DAPK2: variants seen among roughly 807,000 people sequenced by gnomAD.
The protein encoded by DAPK2 is death-associated protein kinase 2.
Under a neutral mutation model 44.1 loss-of-function variants are expected in DAPK2, and 35 were observed. The ratio of observed to expected loss-of-function variants is 0.79; its 90% confidence interval spans 0.61 to 1.05. DAPK2 has a LOEUF of 1.05. Ranked by LOEUF, DAPK2 falls within the 50% of genes least tolerant of loss-of-function variation. The probability of loss-of-function intolerance (pLI) is 0.00; values close to 1 mark genes in which losing one functional copy is unlikely to be tolerated. For missense variants in DAPK2, 453 were observed against 483.2 expected (o/e 0.94, Z 0.59); for synonymous variants, 174 against 182.6 (o/e 0.95, Z 0.38).
chr15:63,965,872 G>C (rs1452975325), intron 3 of DAPK2, among the ~76,000 whole-genome samples: 2 of 152,120 alleles, frequency 1.3e-5, no homozygotes, highest in Non-Finnish European at 2.9e-5. Context: ...TTTGGCCCAG[G>C]GTAGGTCCAG....
At chr15:63,937,523 C>A (rs995547141) in intron 4 of DAPK2, among the ~76,000 whole-genome samples, 1 of 152,156 alleles carries the variant, frequency 6.6e-6, no homozygotes, top group African/African-American at 2.4e-5. Flanking sequence ...GCCTTACTTC[C>A]CTGGTAGGGT....
rs771084589 is a variant in DAPK2, at chr15:63,923,276, A to T, written c.858+1540T>A. Reference sequence around the variant, plus strand: ...GTGGCATTTGAGAGTGTACTCTCTCAGGTGCTTGGTCTTCAGCTGGGTGGG... The same window carrying T: ...GTGGCATTTGAGAGTGTACTCTCTCTGGTGCTTGGTCTTCAGCTGGGTGGG... On this transcript the variant is annotated intron_variant, in intron 8 of 10. Transcript: ENST00000261891. The surrounding 1 kb of genome is among the most constrained non-coding windows in gnomAD (Gnocchi z 4.2). 3 of 1,535,922 alleles carry T rather than the reference A, an allele frequency of 2.0e-6. No individual in the cohort carries two copies. Among genetic ancestry groups the T allele is most frequent in the African/African-American group, 2.7e-5 (2 of 73,160 alleles).
At chr15:64,015,453 T>C (rs2079498997) in intron 1 of DAPK2, among the ~76,000 whole-genome samples, 1 of 151,970 alleles carries the variant, frequency 6.6e-6, no homozygotes, top group African/African-American at 2.4e-5. Context: ...CTGCAGTGAG[T>C]GGATTGACCC....
chr15:63,968,247 A>T (rs772236841), intron 3 of DAPK2, among the ~76,000 whole-genome samples: 3 of 152,172 alleles, frequency 2.0e-5, no homozygotes, highest in Non-Finnish European at 4.4e-5. Flanking sequence ...GCTACTCATC[A>T]CTTCCTGAAG....
In DAPK2 at chr15:63,989,938, C is replaced by T. The variant is rs1264832364; in HGVS notation, c.93-6184G>A. Among the ~76,000 whole-genome samples the T allele has an allele frequency of 4.6e-5, 7 of 152,118 alleles. No individual in the cohort carries two copies. The South Asian group carries it at 8.3e-4, about 18-fold the overall frequency. Reference sequence around the variant, plus strand: ...AACTCCTGGTCTCCAGTGATCTGCCCGCCTAGGCCTCCCAAAGTGCTGGGA... The same window carrying T: ...AACTCCTGGTCTCCAGTGATCTGCCTGCCTAGGCCTCCCAAAGTGCTGGGA... On this transcript the variant is annotated intron_variant, in intron 1 of 10. Coordinates refer to ENST00000261891, the Ensembl canonical transcript of DAPK2.
At chr15:63,995,768 G>C (rs1341734320) in intron 1 of DAPK2, among the ~76,000 whole-genome samples, 1 of 152,248 alleles carries the variant, frequency 6.6e-6, no homozygotes, top group Non-Finnish European at 1.5e-5. Flanking sequence ...TGGCATTGGA[G>C]GGTGAGCAGG....
intron 3 of DAPK2, among the ~76,000 whole-genome samples, chr15:63,956,770 G>C (rs574609203): frequency 6.6e-6 from 1 of 152,014 alleles, no homozygotes; most frequent in South Asian, 2.1e-4. Flanking sequence ...TGTATTTTTA[G>C]TAGAGATGGG....
rs758617949 is a variant in DAPK2, at chr15:63,988,507, C to CT, written c.93-4754dup. On this transcript the variant is annotated intron_variant, in intron 1 of 10. Coordinates refer to ENST00000261891, the Ensembl canonical transcript of DAPK2. The stretch of plus-strand genomic sequence containing the variant: ...TTACAACATTTACATCCAGCTTTTC[C>CT]TTTTTTTTTTTTTTTGAGCTGGAGT... 5.1e-3 allele frequency among the ~76,000 whole-genome samples: 717 copies of CT among 141,964 alleles called. 24 individuals are homozygous for CT. In the South Asian group the frequency reaches 0.078, roughly 16 times the overall value. 93.1% of individuals were successfully genotyped at this position (141,964 alleles called of 152,430 possible). A position where few individuals can be genotyped will look rare whatever the true frequency, so the allele number is the denominator to read the frequency against.
rs529860783 is a variant in DAPK2 at position 63,948,824 on chromosome 15, C to T, written c.454-9463G>A. Among the ~76,000 whole-genome samples the T allele has an allele frequency of 3.3e-5, 5 of 152,318 alleles. No individual in the cohort carries two copies. The East Asian group carries it at 9.6e-4, about 29-fold the overall frequency. On this transcript the variant is annotated intron_variant, in intron 3 of 10. Transcript: ENST00000261891. ...AGTCACATGTGTCTCATTTTGTCCT[C>T]ACCCTGTGAAGCAAGTGCTGTCTTG...
chr15:63,910,018 G>T (rs569036943), intron 10 of DAPK2, among the ~76,000 whole-genome samples: 1 of 152,138 alleles, frequency 6.6e-6, no homozygotes. Flanking sequence ...GACCAAGCCC[G>T]GCTATAACAA....
intron 1 of DAPK2, among the ~76,000 whole-genome samples, chr15:64,011,058 A>G (rs2079377612): frequency 6.6e-6 from 1 of 152,192 alleles, no homozygotes; most frequent in African/African-American, 2.4e-5. Flanking sequence ...TAGGCACCCA[A>G]TCTGAACCCT....
At chr15:64,011,559 C>T (rs535029578) in intron 1 of DAPK2, among the ~76,000 whole-genome samples, 4 of 152,278 alleles carry the variant, frequency 2.6e-5, no homozygotes, top group African/African-American at 9.6e-5. Context: ...AGAAAAACAA[C>T]GCTACAGCCT....
chr15:63,992,915 C>T (rs2078856566), intron 1 of DAPK2, among the ~76,000 whole-genome samples: 1 of 152,190 alleles, frequency 6.6e-6, no homozygotes, highest in Admixed American at 6.5e-5. Flanking sequence ...GAGACAGAAC[C>T]AAAGGATAAT....
chr15:63,970,224 T>G lies in DAPK2; in HGVS notation c.453+1199A>C, dbSNP rs552638746. Among the ~76,000 whole-genome samples, 77 of 152,338 alleles carry G rather than the reference T, an allele frequency of 5.1e-4. 1 individual carries two copies. In the South Asian group the frequency reaches 0.012, roughly 23 times the overall value. Reference sequence around the variant, plus strand: ...AGGGTAAAGTGCAAGCTCCTTGGCTTAGCTCCCAGACCCTTGTGTCTGCTT... The same window carrying G: ...AGGGTAAAGTGCAAGCTCCTTGGCTGAGCTCCCAGACCCTTGTGTCTGCTT... On this transcript the variant is annotated intron_variant, in intron 3 of 10. Coordinates refer to ENST00000261891, the Ensembl canonical transcript of DAPK2.
chr15:63,954,057 T>G (rs935556722), intron 3 of DAPK2, among the ~76,000 whole-genome samples: 4 of 152,332 alleles, frequency 2.6e-5, no homozygotes, highest in African/African-American at 9.6e-5. Flanking sequence ...TGGTTATTAA[T>G]CCCTTGTCAA....
intron 6 of DAPK2, chr15:63,928,426 T>G (rs1046406247): frequency 6.6e-6 from 1 of 152,234 alleles, no homozygotes; most frequent in African/African-American, 2.4e-5. Context: ...CCCCATCTGG[T>G]TGACTCTTAC....
chr15:63,965,141 T>TG (rs1201688005), intron 3 of DAPK2, among the ~76,000 whole-genome samples: 1 of 152,224 alleles, frequency 6.6e-6, no homozygotes, highest in African/African-American at 2.4e-5. Flanking sequence ...TCTAAGTTTT[T>TG]GGTCACTCCA....
intron 1 of DAPK2, among the ~76,000 whole-genome samples, chr15:64,003,767 G>A (rs2079157996): frequency 6.6e-6 from 1 of 152,100 alleles, no homozygotes; most frequent in Non-Finnish European, 1.5e-5. Flanking sequence ...CATCACACCT[G>A]GCTATTTTTT....
intron 1 of DAPK2, among the ~76,000 whole-genome samples, chr15:64,004,772 C>T (rs1172742530): frequency 1.3e-5 from 2 of 152,158 alleles, no homozygotes; most frequent in Non-Finnish European, 2.9e-5. Flanking sequence ...TGCAGCACCG[C>T]TCCTGAGTCA....
Sources: gnomAD v4.1 joint callset for allele counts (sites outside exome capture counted in the v4.1 genomes callset) on GRCh38, gnomAD v4.1.1 for gene constraint, Gnocchi (gnomAD v3.1) non-coding constraint, MANE v1.5 for transcripts, NCBI Gene and HGNC (gene_info 2026-07-23, HGNC 2026-07-21) for gene names.